MANF: variants seen among roughly 807,000 people sequenced by gnomAD.
MANF encodes mesencephalic astrocyte-derived neurotrophic factor.
MANF carries 9 observed loss-of-function variants against 19.1 expected under a neutral mutation model. The ratio of observed to expected loss-of-function variants is 0.47; its 90% CI spans 0.28 to 0.82. MANF has a LOEUF of 0.82. MANF is among the 40% of genes least tolerant of loss of function. The pLI is 0.10. For synonymous variants in MANF, 89 were observed against 88.0 expected (o/e 1.01, Z -0.06); for missense variants, 225 against 226.7 (o/e 0.99, Z 0.05).
rs1327926809 is a variant in MANF, at chr3:51,389,383, C to T, written c.*294C>T. ...AGTGAATACCAAAATGGGGTTTTGC[C>T]CCAGGAGGCTCCTACCAGTTTCTGC... On this transcript the variant is annotated 3_prime_UTR_variant, in exon 4 of 4. Coordinates refer to ENST00000528157, the MANE Select transcript of MANF (RefSeq NM_006010.6). 9 of 336,918 alleles carry T rather than the reference C, an allele frequency of 2.7e-5. No individual in the cohort carries two copies. Among genetic ancestry groups the T allele is most frequent in the East Asian group, 2.1e-4 (3 of 14,014 alleles). The allele number at this position is 336,918 out of a possible 1,614,324, so 20.9% of individuals were successfully genotyped here.
In MANF at chr3:51,386,331, G is replaced by C. The variant is rs782485005; in HGVS notation, c.218G>C (p.Arg73Pro). 23 of 1,613,924 alleles carry C rather than the reference G, an allele frequency of 1.4e-5. No individual in the cohort carries two copies. Among genetic ancestry groups the C allele is most frequent in the Non-Finnish European group, 1.9e-5 (23 of 1,179,852 alleles). The part of the protein sequence containing the change: ...FCREARGKEN[R>P]LCYYIGATDD... ...CGGGAAGCAAGAGGCAAAGAGAATC[G>C]GTTGGTAAGTAGCTGGTGATCCTCC... The change falls in exon 2 of 4, where the codon CGG becomes CCG. Residue 73 changes from arginine to proline, a missense_variant. Transcript: ENST00000528157.
rs111588990 is a variant in MANF, at chr3:51,386,945, C to A, written c.222+610C>A. 1,938 of 456,770 alleles carry A rather than the reference C, an allele frequency of 4.2e-3. 38 individuals are homozygous for A. The highest frequency in any genetic ancestry group is 0.029 in the African/African-American group (1,454 of 50,220). The allele number at this position is 456,770 out of a possible 1,614,324, so 28.3% of individuals were successfully genotyped here. On this transcript the variant is annotated intron_variant, in intron 2 of 3. Transcript: ENST00000528157. ...GGTGACACTTAAATTCATTTGGTGG[C>A]TGTCAGCTTGGACTGAGCATGTGTT...
chr3:51,388,531 C>T (rs2088985251), intron 3 of MANF, among the ~76,000 whole-genome samples: 1 of 152,200 alleles, frequency 6.6e-6, no homozygotes, highest in Non-Finnish European at 1.5e-5. Context: ...GAGTAAGTTC[C>T]TAACTCAAAG....
rs547079341 is a variant in MANF at position 51,386,447 on chromosome 3, C to G, written c.222+112C>G. The G allele has an allele frequency of 7.5e-6, 9 of 1,196,650 alleles. No homozygotes were observed. The East Asian group carries it at 1.9e-4, about 25-fold the overall frequency. 74.1% of individuals were successfully genotyped at this position (1,196,650 alleles called of 1,614,324 possible). A position where few individuals can be genotyped will look rare whatever the true frequency, so the allele number is the denominator to read the frequency against. ...CTCTCTGTTCAGGAAGCCAGCTACTCTCTCCATAAACTAATGTGAGAAGAC... is the reference window on the plus strand; with the variant it reads ...CTCTCTGTTCAGGAAGCCAGCTACTGTCTCCATAAACTAATGTGAGAAGAC... On this transcript the variant is annotated intron_variant, in intron 2 of 3. Coordinates refer to ENST00000528157, the MANE Select transcript of MANF (RefSeq NM_006010.6).
At chr3:51,387,443 CAG>C (rs2088973321) in intron 2 of MANF, among the ~76,000 whole-genome samples, 2 of 150,178 alleles carry the variant, frequency 1.3e-5, no homozygotes, top group East Asian at 3.9e-4. Context: ...GCCTGGGTGA[CAG>C]AGCAAAACTT....
At chr3:51,388,793 C>T in intron 3 of MANF, 112 bp from the exon 4 acceptor site, 2 of 729,188 alleles carry the variant, frequency 2.7e-6, no homozygotes, top group Non-Finnish European at 4.4e-6. Flanking sequence ...ATGTCTCTTC[C>T]TCTGAAACCA....
intron 1 of MANF, 21 bp downstream of exon 1, chr3:51,385,457 G>A (rs2088937088): frequency 2.5e-6 from 3 of 1,223,664 alleles, no homozygotes; most frequent in East Asian, 3.2e-5. Flanking sequence ...GGGGGCCGGG[G>A]GCCGCGCTCC....
chr3:51,387,710 G>A lies in MANF; in HGVS notation c.223-27G>A, dbSNP rs367643614. The stretch of plus-strand genomic sequence containing the variant: ...AGGAGATGGCTCTCAAGCACCTCCT[G>A]AAGGCCATTGTCCTTTATTGCTCCA... On this transcript the variant is annotated intron_variant, in intron 2 of 3. Coordinates refer to ENST00000528157, the MANE Select transcript of MANF (RefSeq NM_006010.6). The A allele has an allele frequency of 5.6e-5, 90 of 1,604,738 alleles. 1 individual carries two copies. The highest frequency in any genetic ancestry group is 2.1e-4 in the South Asian group (19 of 89,474).
rs551500470 is a variant in MANF at position 51,388,820 on chromosome 3, C to T, written c.365-85C>T. The T allele has an allele frequency of 3.7e-4, 389 of 1,057,388 alleles. 1 individual carries two copies. The Middle Eastern group carries it at 8.6e-3, about 23-fold the overall frequency. The allele number at this position is 1,057,388 out of a possible 1,614,324, so 65.5% of individuals were successfully genotyped here. ...CTGAAACCAGTAGGGCTGGTTTGGC[C>T]GTTCAGGGAGTGACATACTCTGGGA... On this transcript the variant is annotated intron_variant, in intron 3 of 3. Transcript: ENST00000528157.
At chr3:51,387,095 G>A (rs1553621002) in intron 2 of MANF, 1 of 357,540 alleles carries the variant, frequency 2.8e-6, no homozygotes, top group African/African-American at 2.1e-5. Context: ...GGCCAAGGTG[G>A]GAGGATTGCT....
intron 1 of MANF, chr3:51,385,812 C>G: frequency 3.5e-6 from 1 of 283,452 alleles, no homozygotes; most frequent in Non-Finnish European, 6.6e-6. Flanking sequence ...GAAGCTGCAC[C>G]TCTGGGTCCG....
rs1351790035 is a variant in MANF, at chr3:51,385,366, G to C, written c.24G>C (p.Gln8His). The C allele has an allele frequency of 1.6e-6, 2 of 1,239,956 alleles. No homozygotes were observed. Among genetic ancestry groups the C allele is most frequent in the African/African-American group, 3.1e-5 (2 of 64,378 alleles). 76.8% of individuals were successfully genotyped at this position (1,239,956 alleles called of 1,614,324 possible). Residue 8 changes from glutamine to histidine, a missense_variant, in exon 1 of 4, where the codon CAG (glutamine) becomes CAC (histidine). Gln to His is a conservative substitution (Grantham distance 24). Transcript: ENST00000528157. MRRMWAT[Q>H]GLAVALALSV... ...GGATGAGGAGGATGTGGGCCACGCAGGGGCTGGCGGTGGCGCTGGCTCTGA... is the reference window on the plus strand; with the variant it reads ...GGATGAGGAGGATGTGGGCCACGCACGGGCTGGCGGTGGCGCTGGCTCTGA...
At chr3:51,388,009 A>G in intron 3 of MANF, 131 bp downstream of exon 3, 1 of 901,636 alleles carries the variant, frequency 1.1e-6, no homozygotes, top group African/African-American at 1.7e-5. Context: ...TAAATGCTGG[A>G]GGGCTCTGGC....
rs1559452572 is a variant in MANF at position 51,385,406 on chromosome 3, AGCCGGGCGCTGCG to A, written c.73_85del (p.Leu25ThrfsTer33). Reference sequence around the variant, plus strand: ...GCTGGCTCTGAGCGTGCTGCCGGGCAGCCGGGCGCTGCGGCCGGGCGACTGCGAAGGTGCGGGA... The same window carrying A: ...GCTGGCTCTGAGCGTGCTGCCGGGCAGCCGGGCGACTGCGAAGGTGCGGGA... On this transcript the variant is annotated frameshift_variant, in exon 1 of 4. Coordinates refer to ENST00000528157, the MANE Select transcript of MANF (RefSeq NM_006010.6). LOFTEE classifies it high-confidence loss of function. 1 of 1,237,618 alleles carries A rather than the reference AGCCGGGCGCTGCG, an allele frequency of 8.1e-7. No individual in the cohort carries two copies. The highest frequency in any genetic ancestry group is 1.0e-6 in the Non-Finnish European group (1 of 989,362). 76.7% of individuals were successfully genotyped at this position (1,237,618 alleles called of 1,614,324 possible). A position where few individuals can be genotyped will look rare whatever the true frequency, so the allele number is the denominator to read the frequency against.
At position 51,389,342 on chromosome 3, in the gene MANF, G is replaced by A. The variant is rs1023880939; in HGVS notation, c.*253G>A. The A allele has an allele frequency of 2.3e-6, 1 of 435,002 alleles. No homozygotes were observed. Among genetic ancestry groups the A allele is most frequent in the Non-Finnish European group, 4.0e-6 (1 of 248,422 alleles). The allele number at this position is 435,002 out of a possible 1,614,324, so 26.9% of individuals were successfully genotyped here. On this transcript the variant is annotated 3_prime_UTR_variant, in exon 4 of 4. Transcript: ENST00000528157. Reference sequence around the variant, plus strand: ...TATTAAAGAAAAAAAATTTCTAGCTGTCCTTGCAGAATTATAGTGAATACC... The same window carrying A: ...TATTAAAGAAAAAAAATTTCTAGCTATCCTTGCAGAATTATAGTGAATACC...
intron 3 of MANF, among the ~76,000 whole-genome samples, chr3:51,388,501 C>T (rs1308882158): frequency 1.3e-5 from 2 of 152,166 alleles, no homozygotes; most frequent in African/African-American, 4.8e-5. Flanking sequence ...CAGTTGGCTC[C>T]AGGTCACTGT....
chr3:51,385,955 G>C, intron 1 of MANF: 1 of 493,176 alleles, frequency 2.0e-6, no homozygotes, highest in Non-Finnish European at 3.6e-6. Flanking sequence ...TTGATGAAAG[G>C]AGCAGGGAGA....
intron 3 of MANF, among the ~76,000 whole-genome samples, chr3:51,388,233 G>C (rs1285926433): frequency 6.6e-6 from 1 of 152,224 alleles, no homozygotes; most frequent in Non-Finnish European, 1.5e-5. Flanking sequence ...TTTCAGCAGA[G>C]AAGGGACATA....
chr3:51,385,377 T>G lies in MANF; in HGVS notation c.35T>G (p.Val12Gly). The G allele has an allele frequency of 8.1e-7, 1 of 1,239,270 alleles. No individual in the cohort carries two copies. The highest frequency in any genetic ancestry group is 1.0e-6 in the Non-Finnish European group (1 of 989,752). 76.8% of individuals were successfully genotyped at this position (1,239,270 alleles called of 1,614,324 possible). A position where few individuals can be genotyped will look rare whatever the true frequency, so the allele number is the denominator to read the frequency against. ...ATGTGGGCCACGCAGGGGCTGGCGG[T>G]GGCGCTGGCTCTGAGCGTGCTGCCG... ...RRMWATQGLA[V>G]ALALSVLPGS... The change falls in exon 1 of 4, where the codon GTG becomes GGG. Residue 12 changes from valine to glycine, a missense_variant. Transcript: ENST00000528157.
Sources: allele counts gnomAD v4.1 joint callset (sites outside exome capture counted in the v4.1 genomes callset), GRCh38; gene constraint gnomAD v4.1.1; transcripts MANE v1.5; gene names NCBI Gene and HGNC (gene_info 2026-07-23, HGNC 2026-07-21).